Variants in MVB12B observed in about 807,000 individuals in gnomAD.
MVB12B encodes the protein ESCRT-I complex subunit MVB12B.
In MVB12B, 16 loss-of-function variants were observed where a neutral mutation model predicts 41.6. The ratio of observed to expected loss-of-function variants is 0.38; its 90% confidence interval spans 0.26 to 0.58. The LOEUF is 0.58. Among genes scored for constraint, MVB12B ranks in the 20% least tolerant of loss-of-function variants. The probability of loss-of-function intolerance (pLI) is 0.62; values close to 1 mark genes in which losing one functional copy is unlikely to be tolerated. For missense variants in MVB12B, 274 were observed against 380.2 expected (o/e 0.72, Z 2.32); for synonymous variants, 133 against 139.7 (o/e 0.95, Z 0.34).
At chr9:126,382,579 G>A (rs1026728962) in intron 3 of MVB12B, among the ~76,000 whole-genome samples, 6 of 152,198 alleles carry the variant, frequency 3.9e-5, no homozygotes, top group Non-Finnish European at 8.8e-5. Flanking sequence ...AGGTCCCCCA[G>A]CTCACTGAGC....
chr9:126,373,696 C>T lies in MVB12B; in HGVS notation c.205-7368C>T, dbSNP rs141582275. 1.3e-3 allele frequency among the ~76,000 whole-genome samples: 192 copies of T among 152,278 alleles called. 2 individuals are homozygous for T. The highest frequency in any genetic ancestry group is 4.4e-3 in the African/African-American group (183 of 41,562). On this transcript the variant is annotated intron_variant, in intron 2 of 9. Coordinates refer to ENST00000361171, the MANE Select transcript of MVB12B (RefSeq NM_033446.3). ...CTCTGACGGTTGAAATGATTGACTG[C>T]GCCGCTCCTCTTTAGGTGGCTTAGT...
At chr9:126,382,935 T>A (rs1380189447) in intron 3 of MVB12B, among the ~76,000 whole-genome samples, 1 of 152,124 alleles carries the variant, frequency 6.6e-6, no homozygotes, top group South Asian at 2.1e-4. Context: ...TTATTGGGCA[T>A]GATGGAGGGA....
chr9:126,472,068 C>T (rs546452414), intron 7 of MVB12B, among the ~76,000 whole-genome samples: 2 of 151,802 alleles, frequency 1.3e-5, no homozygotes, highest in South Asian at 4.2e-4. Flanking sequence ...TGGAGTATTT[C>T]CTCACCCCTG....
chr9:126,343,920 A>G (rs1407934242), intron 2 of MVB12B, among the ~76,000 whole-genome samples: 3 of 152,246 alleles, frequency 2.0e-5, no homozygotes, highest in Non-Finnish European at 2.9e-5. Context: ...CTGTCTCTAA[A>G]TAAATAAATT....
chr9:126,504,680 G>A lies in MVB12B; in HGVS notation c.*1417G>A, dbSNP rs1166977898. ...CTCATGCCCCTGCACCAGCCCCTCCGTCTCCAGGCCCCAGGCCTCTTTGTG... is the reference window on the plus strand; with the variant it reads ...CTCATGCCCCTGCACCAGCCCCTCCATCTCCAGGCCCCAGGCCTCTTTGTG... On this transcript the variant is annotated 3_prime_UTR_variant, in exon 10 of 10. Coordinates refer to ENST00000361171, the MANE Select transcript of MVB12B (RefSeq NM_033446.3). The A allele has an allele frequency of 1.3e-5, 2 of 152,788 alleles. No individual in the cohort carries two copies. Among genetic ancestry groups the A allele is most frequent in the East Asian group, 1.9e-4 (1 of 5,192 alleles). The allele number at this position is 152,788 out of a possible 1,614,324, so 9.5% of individuals were successfully genotyped here.
intron 6 of MVB12B, 71 bp from the exon 7 acceptor site, chr9:126,421,783 G>A: frequency 8.6e-7 from 1 of 1,159,118 alleles, no homozygotes; most frequent in Non-Finnish European, 1.3e-6. Context: ...AGCTGTTGAT[G>A]GCGTCAGTGC....
intron 7 of MVB12B, among the ~76,000 whole-genome samples, chr9:126,452,922 G>A (rs187854585): frequency 1.3e-5 from 2 of 152,190 alleles, no homozygotes; most frequent in East Asian, 1.9e-4. Context: ...TCAGAAATAA[G>A]TGACCTGCTA....
intron 2 of MVB12B, among the ~76,000 whole-genome samples, chr9:126,355,751 G>A (rs1431300487): frequency 1.3e-5 from 2 of 152,134 alleles, no homozygotes; most frequent in Non-Finnish European, 2.9e-5. Flanking sequence ...TTATAGCATC[G>A]TTTTTGAAGT....
intron 7 of MVB12B, among the ~76,000 whole-genome samples, chr9:126,476,614 C>T (rs907609254): frequency 2.6e-5 from 4 of 152,148 alleles, no homozygotes; most frequent in African/African-American, 9.7e-5. Context: ...CGGTGGCTCA[C>T]GCCTGTAATC....
chr9:126,363,060 G>A (rs963708845), intron 2 of MVB12B, among the ~76,000 whole-genome samples: 9 of 151,816 alleles, frequency 5.9e-5, no homozygotes, highest in East Asian at 5.8e-4. Flanking sequence ...AGTGGCGGGC[G>A]CCTGTAATCC....
chr9:126,380,069 A>G (rs965422448), intron 2 of MVB12B, among the ~76,000 whole-genome samples: 3 of 152,202 alleles, frequency 2.0e-5, no homozygotes, highest in African/African-American at 7.2e-5. Flanking sequence ...AGTTTATCCC[A>G]AAACAGGCAC....
chr9:126,435,372 T>C (rs1231086566), intron 7 of MVB12B, among the ~76,000 whole-genome samples: 8 of 152,202 alleles, frequency 5.3e-5, no homozygotes, highest in African/African-American at 1.9e-4. Context: ...AGGGAAACTT[T>C]TGGCATAATA....
intron 6 of MVB12B, among the ~76,000 whole-genome samples, chr9:126,401,147 A>G (rs1831257569): frequency 6.6e-6 from 1 of 151,510 alleles, no homozygotes; most frequent in South Asian, 2.1e-4. Flanking sequence ...TTTCCCTAAC[A>G]CTGTCTCTCT....
rs1273383501 is a variant in MVB12B, at chr9:126,421,803, C to T, written c.663-51C>T. 2.8e-6 allele frequency: 4 copies of T among 1,424,248 alleles called. No homozygotes were observed. In the African/African-American group the frequency reaches 4.2e-5, roughly 15 times the overall value. 88.2% of individuals were successfully genotyped at this position (1,424,248 alleles called of 1,614,324 possible). The stretch of plus-strand genomic sequence containing the variant: ...TTGATGGCGTCAGTGCTTCCTGAGT[C>T]TTGGGGAATGCTCCTTGTAATCTCC... On this transcript the variant is annotated intron_variant, in intron 6 of 9. Coordinates refer to ENST00000361171, the MANE Select transcript of MVB12B (RefSeq NM_033446.3).
chr9:126,345,262 C>A (rs1829556968), intron 2 of MVB12B, among the ~76,000 whole-genome samples: 3 of 152,212 alleles, frequency 2.0e-5, no homozygotes, highest in African/African-American at 7.2e-5. Context: ...AGCAGCCAGG[C>A]TAAACTGCAT....
At chr9:126,437,270 G>A (rs1343577052) in intron 7 of MVB12B, among the ~76,000 whole-genome samples, 2 of 152,090 alleles carry the variant, frequency 1.3e-5, no homozygotes, top group African/African-American at 2.4e-5. Context: ...GTTATTAACC[G>A]AATGACAATT....
chr9:126,500,754 T>C (rs537218700), intron 9 of MVB12B, among the ~76,000 whole-genome samples: 21 of 152,346 alleles, frequency 1.4e-4, no homozygotes, highest in African/African-American at 4.3e-4. Flanking sequence ...CGTGGCACTC[T>C]CCTCTGCACC....
chr9:126,440,563 G>C (rs1351639487), intron 7 of MVB12B, among the ~76,000 whole-genome samples: 1 of 152,002 alleles, frequency 6.6e-6, no homozygotes, highest in Non-Finnish European at 1.5e-5. Context: ...GAAAAAAAAA[G>C]CCCAACAGGA....
chr9:126,462,221 T>A (rs1317295963), intron 7 of MVB12B, among the ~76,000 whole-genome samples: 2 of 152,182 alleles, frequency 1.3e-5, no homozygotes, highest in Non-Finnish European at 2.9e-5. Flanking sequence ...ACACATCCCA[T>A]TAGGGGCGTC....
Sources: allele counts gnomAD v4.1 joint callset (sites outside exome capture counted in the v4.1 genomes callset), GRCh38; gene constraint gnomAD v4.1.1; transcripts MANE v1.5; gene names NCBI Gene and HGNC (gene_info 2026-07-23, HGNC 2026-07-21).